Variants in ZSCAN9 observed in about 807,000 individuals in gnomAD.
ZSCAN9 encodes the protein zinc finger and SCAN domain-containing protein 9.
In ZSCAN9, 19 loss-of-function variants were observed where a neutral mutation model predicts 23.0. That is an observed-to-expected ratio of 0.83 (90% CI 0.58 to 1.21). ZSCAN9 has a LOEUF of 1.21. ZSCAN9 is among the 50% of genes most tolerant of loss of function. ZSCAN9 has a pLI of 0.00. For synonymous variants in ZSCAN9, 155 were observed against 164.8 expected, an observed-to-expected ratio of 0.94 and a Z score of 0.46; for missense variants, 467 against 471.5, an observed-to-expected ratio of 0.99 and a Z score of 0.09.
intron 1 of ZSCAN9, among the ~76,000 whole-genome samples, chr6:28,225,682 C>A (rs1009728063): frequency 6.6e-6 from 1 of 152,178 alleles, no homozygotes; most frequent in Non-Finnish European, 1.5e-5. Context: ...GCAGCCTTCA[C>A]GATGGAGAAC....
chr6:28,230,551 G>C (rs1368112266), intron 3 of ZSCAN9: 3 of 1,480,952 alleles, frequency 2.0e-6, no homozygotes, highest in Non-Finnish European at 2.7e-6. Context: ...CAAATATTTT[G>C]GTCAAAAGAG....
chr6:28,227,737 G>A lies in ZSCAN9; in HGVS notation c.468G>A (p.Val156=), dbSNP rs1760163040. The A allele has an allele frequency of 1.2e-6, 2 of 1,610,918 alleles. No individual in the cohort carries two copies. Among genetic ancestry groups the A allele is most frequent in the Admixed American group, 1.7e-5 (1 of 58,710 alleles). The change falls in exon 3 of 4, where the codon GTG becomes GTA. Residue 156 remains valine, a synonymous_variant. Transcript: ENST00000252207. ...HRQEVLCKEM[V]PLAEQTPLTL... ...AAGAAGTCCTCTGTAAAGAGATGGT[G>A]CCTCTAGCAGAGCAGACACCACTGA...
intron 3 of ZSCAN9, among the ~76,000 whole-genome samples, chr6:28,230,064 A>C (rs886260619): frequency 2.6e-5 from 4 of 152,104 alleles, no homozygotes; most frequent in Non-Finnish European, 5.9e-5. Flanking sequence ...TCACTGTGTT[A>C]GCCAGGATGG....
In ZSCAN9 at chr6:28,232,734, CCT is replaced by C. The variant is rs759453790; in HGVS notation, c.744_745del (p.Leu249ArgfsTer8). On this transcript the variant is annotated frameshift_variant, in exon 4 of 4. Transcript: ENST00000252207. LOFTEE classifies it low-confidence loss of function (END_TRUNC). Reference sequence around the variant, plus strand: ...ATAGGATAGAGAGGCAGTGGGGAAACCTCTTAGGAGAGGGGCAACACAAATGT... The same window carrying C: ...ATAGGATAGAGAGGCAGTGGGGAAACCTTAGGAGAGGGGCAACACAAATGT... ...KDRIERQWGN[L>X]LGEGQHKCDE... 5 of 1,614,142 alleles carry C rather than the reference CCT, an allele frequency of 3.1e-6. No homozygotes were observed. The South Asian group carries it at 5.5e-5, about 18-fold the overall frequency.
At position 28,230,383 on chromosome 6, in the gene ZSCAN9, G is replaced by A. The variant is rs755349379; in HGVS notation, c.569-2179G>A. The A allele has an allele frequency of 8.5e-6, 13 of 1,535,926 alleles. No homozygotes were observed. The Middle Eastern group carries it at 1.0e-3, about 118-fold the overall frequency. On this transcript the variant is annotated intron_variant, in intron 3 of 3. Coordinates refer to ENST00000252207, the MANE Select transcript of ZSCAN9 (RefSeq NM_006299.5). ...AAGGGCAGTACTGATCCCACTTGGG[G>A]CCCATCTGTTCTCTACAGACACATT...
chr6:28,232,805 G>A lies in ZSCAN9; in HGVS notation c.812G>A (p.Arg271Gln), dbSNP rs555959968. ...KSFTQSSGLI[R>Q]HQRIHTGERP... is the part of the protein sequence containing the mutation. ...TTTACTCAGAGCTCAGGTCTCATTC[G>A]ACATCAAAGAATTCATACTGGAGAA... Residue 271 changes from arginine (R) to glutamine (Q), a missense_variant, in exon 4 of 4, where the codon CGA (arginine) becomes CAA (glutamine). Arg to Gln is a conservative substitution (Grantham distance 43). Transcript: ENST00000252207. 33 of 1,614,180 alleles carry A rather than the reference G, an allele frequency of 2.0e-5. No individual in the cohort carries two copies. In the Middle Eastern group the frequency reaches 4.9e-4, roughly 24 times the overall value.
intron 3 of ZSCAN9, chr6:28,228,949 G>A (rs1420287167): frequency 6.6e-6 from 1 of 152,666 alleles, no homozygotes; most frequent in Non-Finnish European, 1.5e-5. Context: ...ATTGGCTCTA[G>A]CTTGTCTGAT....
At chr6:28,228,141 G>C (rs963084686) in intron 3 of ZSCAN9, 3 of 661,428 alleles carry the variant, frequency 4.5e-6, no homozygotes, top group African/African-American at 3.7e-5. Flanking sequence ...GACAGGTTCA[G>C]ATCCTGGCAT....
chr6:28,232,129 C>G (rs776609247), intron 3 of ZSCAN9, among the ~76,000 whole-genome samples: 1 of 152,156 alleles, frequency 6.6e-6, no homozygotes, highest in Non-Finnish European at 1.5e-5. Context: ...GTCAGGAGTT[C>G]AAGACCAGGA....
chr6:28,230,312 AC>A, intron 3 of ZSCAN9: 1 of 1,511,726 alleles, frequency 6.6e-7, no homozygotes, highest in East Asian at 2.5e-5. Context: ...TTTATATTCT[AC>A]CCAGCTCCCT....
chr6:28,227,510 A>G lies in ZSCAN9; in HGVS notation c.420+6A>G. 6.3e-7 allele frequency: 1 copy of G among 1,580,188 alleles called. No individual in the cohort carries two copies. The highest frequency in any genetic ancestry group is 8.6e-7 in the Non-Finnish European group (1 of 1,166,330). ...TCGATGAACCACAACATGAGGTAGGAAGGGAGATTTGCTAGAGAAAAATGT... is the reference window on the plus strand; with the variant it reads ...TCGATGAACCACAACATGAGGTAGGGAGGGAGATTTGCTAGAGAAAAATGT... On this transcript the variant is annotated splice_donor_region_variant and intron_variant, in intron 2 of 3. Coordinates refer to ENST00000252207, the MANE Select transcript of ZSCAN9 (RefSeq NM_006299.5).
rs1224696198 is a variant in ZSCAN9 at position 28,227,825 on chromosome 6, A to G, written c.556A>G (p.Ile186Val). The G allele has an allele frequency of 8.1e-6, 13 of 1,613,338 alleles. No individual in the cohort carries two copies. The highest frequency in any genetic ancestry group is 4.0e-5 in the African/African-American group (3 of 74,814). ...TCDSAQKCHS[I>V]GETDEVTKTE... Reference sequence around the variant, plus strand: ...TGACTCTGCTCAGAAGTGCCATTCTATTGGAGAGACAGGTGAGGGACAGCA... The same window carrying G: ...TGACTCTGCTCAGAAGTGCCATTCTGTTGGAGAGACAGGTGAGGGACAGCA... Residue 186 changes from isoleucine (I) to valine (V), a missense_variant, in exon 3 of 4, where the codon ATT becomes GTT. Physicochemically the swap from Ile to Val is conservative, Grantham distance 29 (BLOSUM62 3). Coordinates refer to ENST00000252207, the MANE Select transcript of ZSCAN9 (RefSeq NM_006299.5).
chr6:28,232,543 G>C lies in ZSCAN9; in HGVS notation c.569-19G>C, dbSNP rs1255387695. On this transcript the variant is annotated intron_variant, in intron 3 of 3. Coordinates refer to ENST00000252207, the MANE Select transcript of ZSCAN9 (RefSeq NM_006299.5). ...TCAGGGAACAAGTGACATTTACCTA[G>C]CCTTTTTCTTTGTTTCAGATGAAGT... 1 of 1,597,610 alleles carries C rather than the reference G, an allele frequency of 6.3e-7. No homozygotes were observed. Among genetic ancestry groups the C allele is most frequent in the East Asian group, 2.2e-5 (1 of 44,676 alleles).
rs1176620553 is a variant in ZSCAN9, at chr6:28,233,397, C to T, written c.*219C>T. Reference sequence around the variant, plus strand: ...TCTTACTCTTACTAGCTGTGTCCCTCTTATTTATAATTTATTTATTTTTTT... The same window carrying T: ...TCTTACTCTTACTAGCTGTGTCCCTTTTATTTATAATTTATTTATTTTTTT... On this transcript the variant is annotated 3_prime_UTR_variant, in exon 4 of 4. Transcript: ENST00000252207. 2 of 616,988 alleles carry T rather than the reference C, an allele frequency of 3.2e-6. No individual in the cohort carries two copies. The highest frequency in any genetic ancestry group is 4.9e-6 in the Non-Finnish European group (2 of 408,926). The allele number at this position is 616,988 out of a possible 1,614,324, so 38.2% of individuals were successfully genotyped here.
upstream of ZSCAN9, chr6:28,225,252 T>G (rs1279613657): frequency 6.6e-6 from 1 of 152,038 alleles, no homozygotes; most frequent in East Asian, 1.9e-4. Flanking sequence ...CTCTGCTCCG[T>G]CCGCCTTCGA....
At chr6:28,230,760 G>A (rs777717066) in intron 3 of ZSCAN9, among the ~76,000 whole-genome samples, 17 of 152,150 alleles carry the variant, frequency 1.1e-4, no homozygotes, top group Non-Finnish European at 1.8e-4. Flanking sequence ...TATGGAATAA[G>A]GCAAAAATAG....
intron 1 of ZSCAN9, 99 bp from the exon 2 acceptor site, chr6:28,226,913 G>A: frequency 1.8e-6 from 1 of 548,490 alleles, no homozygotes; most frequent in Middle Eastern, 4.9e-4. Context: ...TCACTTTTCA[G>A]AGAAGAGCTT....
intron 3 of ZSCAN9, among the ~76,000 whole-genome samples, chr6:28,230,082 C>T (rs76383529): frequency 6.6e-6 from 1 of 152,182 alleles, no homozygotes. Context: ...TGGTCTCGAT[C>T]TCCTGACCTC....
Position 28,232,879 on chromosome 6 carries a change from G to C in ZSCAN9, c.886G>C (p.Gly296Arg). The stretch of plus-strand genomic sequence containing the variant: ...TGGGAAAGCCTTCAGTCGAAGTTCT[G>C]GTCTTTTTAATCACCGAGGAATCCA... Reference protein sequence around the residue: ...ECGKAFSRSSGLFNHRGIHNI... With the variant: ...ECGKAFSRSSRLFNHRGIHNI... The change falls in exon 4 of 4, where the codon GGT becomes CGT. Residue 296 changes from glycine to arginine, a missense_variant. By Grantham distance (125) the Gly-to-Arg change is moderately radical (BLOSUM62 -2). Transcript: ENST00000252207. 6.2e-7 allele frequency: 1 copy of C among 1,614,116 alleles called. No homozygotes were observed. Among genetic ancestry groups the C allele is most frequent in the East Asian group, 2.2e-5 (1 of 44,892 alleles).
Sources: allele counts gnomAD v4.1 joint callset (sites outside exome capture counted in the v4.1 genomes callset), GRCh38; gene constraint gnomAD v4.1.1; transcripts MANE v1.5; gene names NCBI Gene and HGNC (gene_info 2026-07-23, HGNC 2026-07-21).